Variants in ARHGAP10 observed in about 807,000 individuals in gnomAD.
The protein encoded by ARHGAP10 is Rho GTPase activating protein 10.
ARHGAP10 carries 87 observed loss-of-function variants against 108.6 expected under a neutral mutation model. That is an observed-to-expected ratio of 0.80 (90% confidence interval 0.67 to 0.96). The LOEUF is 0.96. Ranked by LOEUF, ARHGAP10 falls within the 40% of genes least tolerant of loss-of-function variation. The probability of loss-of-function intolerance (pLI) is 0.00; values close to 1 mark genes in which losing one functional copy is unlikely to be tolerated. For missense variants in ARHGAP10, 939 were observed against 954.5 expected (o/e 0.98, Z 0.21); for synonymous variants, 347 against 341.1 (o/e 1.02, Z -0.19).
intron 3 of ARHGAP10, among the ~76,000 whole-genome samples, chr4:147,836,803 G>T (rs1328983432): frequency 6.6e-6 from 1 of 151,364 alleles, no homozygotes; most frequent in Non-Finnish European, 1.5e-5. Flanking sequence ...GGGATTTGTT[G>T]GGAAGTTACA....
At chr4:147,876,114 G>A (rs1180354965) in intron 8 of ARHGAP10, among the ~76,000 whole-genome samples, 2 of 152,196 alleles carry the variant, frequency 1.3e-5, no homozygotes, top group Admixed American at 1.3e-4. Context: ...GCTTTGAATA[G>A]AAGTTAATGT....
intron 1 of ARHGAP10, among the ~76,000 whole-genome samples, chr4:147,752,146 G>C (rs1449169475): frequency 6.6e-6 from 1 of 152,108 alleles, no homozygotes; most frequent in Non-Finnish European, 1.5e-5. Context: ...GCCTCCCAAA[G>C]TGCTGGAATT....
intron 18 of ARHGAP10, among the ~76,000 whole-genome samples, chr4:148,002,586 T>G (rs1740765334): frequency 6.6e-6 from 1 of 152,220 alleles, no homozygotes. Flanking sequence ...TGCTTCAATT[T>G]CAGAGCCTGT....
intron 1 of ARHGAP10, among the ~76,000 whole-genome samples, chr4:147,753,554 A>C (rs1255505702): frequency 6.8e-6 from 1 of 147,598 alleles, no homozygotes; most frequent in African/African-American, 2.5e-5. Context: ...GAGTTTCACC[A>C]TGTTGGCCAG....
At chr4:147,846,551 G>T (rs186767364) in intron 3 of ARHGAP10, among the ~76,000 whole-genome samples, 1 of 152,230 alleles carries the variant, frequency 6.6e-6, no homozygotes, top group East Asian at 1.9e-4. Context: ...TGTGGTTGTG[G>T]CTGGAGTTTG....
At chr4:148,030,702 G>A (rs1054551056) in intron 19 of ARHGAP10, among the ~76,000 whole-genome samples, 9 of 152,154 alleles carry the variant, frequency 5.9e-5, no homozygotes, top group Non-Finnish European at 1.3e-4. Flanking sequence ...GGCAATGCCA[G>A]AGAACACTCC....
chr4:148,012,162 G>A (rs1213563708), intron 18 of ARHGAP10, among the ~76,000 whole-genome samples: 1 of 152,178 alleles, frequency 6.6e-6, no homozygotes, highest in Non-Finnish European at 1.5e-5. Flanking sequence ...AAGGGGATGT[G>A]CCTGACAGTG....
chr4:148,036,066 C>CTGTG (rs61692055), intron 19 of ARHGAP10, among the ~76,000 whole-genome samples: 17,573 of 142,752 alleles, frequency 0.12, 1,317 homozygotes, highest in African/African-American at 0.23. Flanking sequence ...GGAGCTGCCT[C>CTGTG]TGTGTGTGTG....
At chr4:147,946,737 G>A in intron 15 of ARHGAP10, 33 bp downstream of exon 15, 5 of 1,490,952 alleles carry the variant, frequency 3.4e-6, no homozygotes, top group Non-Finnish European at 4.6e-6. Context: ...AAAGAAGAAT[G>A]GACTATTTGG....
intron 1 of ARHGAP10, among the ~76,000 whole-genome samples, chr4:147,818,259 G>A (rs919794757): frequency 1.3e-5 from 2 of 151,630 alleles, no homozygotes; most frequent in Non-Finnish European, 1.5e-5. Flanking sequence ...CGTAGAGCAG[G>A]CGCTCAATAA....
At chr4:147,983,607 A>G (rs191484959) in intron 18 of ARHGAP10, among the ~76,000 whole-genome samples, 26 of 152,058 alleles carry the variant, frequency 1.7e-4, no homozygotes, top group Admixed American at 1.2e-3. Flanking sequence ...AAGACTTCCA[A>G]CTGTATTTTG....
intron 20 of ARHGAP10, among the ~76,000 whole-genome samples, chr4:148,049,546 C>T (rs899121862): frequency 1.3e-5 from 2 of 152,064 alleles, no homozygotes; most frequent in African/African-American, 4.8e-5. Flanking sequence ...CCAATCCTGA[C>T]CTATCTTAAC....
At chr4:147,983,795 T>C (rs1385329097) in intron 18 of ARHGAP10, among the ~76,000 whole-genome samples, 17 of 152,008 alleles carry the variant, frequency 1.1e-4, no homozygotes, top group Admixed American at 1.0e-3. Flanking sequence ...TTATATGTCA[T>C]TTCAGACATT....
chr4:147,995,905 G>A (rs890719073), intron 18 of ARHGAP10, among the ~76,000 whole-genome samples: 41 of 152,130 alleles, frequency 2.7e-4, no homozygotes, highest in African/African-American at 9.4e-4. Context: ...TTTTAGTAGA[G>A]ATGGGGTTTC....
intron 18 of ARHGAP10, among the ~76,000 whole-genome samples, chr4:147,991,588 C>T (rs1303312879): frequency 6.6e-6 from 1 of 152,196 alleles, no homozygotes; most frequent in Non-Finnish European, 1.5e-5. Flanking sequence ...ATTCCAGGCT[C>T]CCAGAAGGCG....
chr4:147,913,707 G>A (rs942944822), intron 13 of ARHGAP10, among the ~76,000 whole-genome samples: 1 of 152,058 alleles, frequency 6.6e-6, no homozygotes, highest in African/African-American at 2.4e-5. Flanking sequence ...CTGGTGTTTA[G>A]GGCTTCTACA....
chr4:147,833,261 A>G (rs1043838083), intron 3 of ARHGAP10, among the ~76,000 whole-genome samples: 10 of 152,208 alleles, frequency 6.6e-5, no homozygotes, highest in Non-Finnish European at 1.2e-4. Flanking sequence ...TGATTGGGTC[A>G]TAGGGCCAGT....
At chr4:148,059,502 G>A (rs569791978) in intron 20 of ARHGAP10, among the ~76,000 whole-genome samples, 6 of 102,810 alleles carry the variant, frequency 5.8e-5, no homozygotes, top group Non-Finnish European at 1.3e-4. Flanking sequence ...TTGGGAAATG[G>A]TAGGAAAGGA....
At chr4:147,995,016 CTG>C (rs1374460077) in intron 18 of ARHGAP10, among the ~76,000 whole-genome samples, 1 of 152,204 alleles carries the variant, frequency 6.6e-6, no homozygotes, top group Non-Finnish European at 1.5e-5. Flanking sequence ...TCCCGCAGAA[CTG>C]TGTTTCTAGG....
Sources: allele counts gnomAD v4.1 joint callset (sites outside exome capture counted in the v4.1 genomes callset), GRCh38; gene constraint gnomAD v4.1.1; transcripts MANE v1.5; gene names NCBI Gene and HGNC (gene_info 2026-07-23, HGNC 2026-07-21).